ANTXR2: variants seen among roughly 807,000 people sequenced by gnomAD.
The protein encoded by ANTXR2 is ANTXR cell adhesion molecule 2, also known as anthrax toxin receptor 2.
Under a neutral mutation model 73.7 loss-of-function variants are expected in ANTXR2, and 44 were observed. That is an observed-to-expected ratio of 0.60 (90% CI 0.47 to 0.77). ANTXR2 has a LOEUF of 0.77. Among genes scored for constraint, ANTXR2 ranks in the 30% least tolerant of loss-of-function variants. ANTXR2 has a pLI of 0.00. For missense variants in ANTXR2, 604 were observed against 592.5 expected (o/e 1.02, Z -0.20); for synonymous variants, 217 against 205.9 (o/e 1.05, Z -0.46).
At chr4:79,992,935 T>A (rs1730540978) in intron 12 of ANTXR2, among the ~76,000 whole-genome samples, 1 of 152,072 alleles carries the variant, frequency 6.6e-6, no homozygotes, top group Admixed American at 6.6e-5. Flanking sequence ...TTCTTTGAAA[T>A]ATCCCCCACC....
intron 16 of ANTXR2, among the ~76,000 whole-genome samples, chr4:79,937,321 G>GT (rs1728305944): frequency 6.6e-6 from 1 of 152,002 alleles, no homozygotes. Context: ...TTGAGCAGAA[G>GT]AAAAAAAATT....
chr4:79,902,405 G>A lies in ANTXR2; in HGVS notation c.*5024C>T, dbSNP rs1726741281. ...CACAGGCATAGTAACTGTCAATTAA[G>A]ACTTTTTTTCCAATTTTGACTAAAA... is the stretch of plus-strand genomic sequence containing the variant. On this transcript the variant is annotated 3_prime_UTR_variant, in exon 17 of 17. Transcript: ENST00000403729. 1 of 152,034 alleles carries A rather than the reference G, an allele frequency of 6.6e-6. No homozygotes were observed. Among genetic ancestry groups the A allele is most frequent in the Non-Finnish European group, 1.5e-5 (1 of 67,994 alleles). The allele number at this position is 152,034 out of a possible 1,614,324, so 9.4% of individuals were successfully genotyped here. A position where few individuals can be genotyped will look rare whatever the true frequency, so the allele number is the denominator to read the frequency against.
At chr4:79,913,016 G>A (rs1727208950) in intron 16 of ANTXR2, among the ~76,000 whole-genome samples, 1 of 152,058 alleles carries the variant, frequency 6.6e-6, no homozygotes, top group African/African-American at 2.4e-5. Flanking sequence ...ATCTTAAAAG[G>A]TAACATTAGT....
chr4:79,989,636 G>T (rs1257077233), intron 12 of ANTXR2, among the ~76,000 whole-genome samples: 3 of 151,992 alleles, frequency 2.0e-5, no homozygotes, highest in African/African-American at 7.2e-5. Context: ...ATTCTATAAG[G>T]CTAGCATCAT....
rs1485493702 is a variant in ANTXR2, at chr4:79,901,398, A to AT, written c.*6030dup. Reference sequence around the variant, plus strand: ...TAACAATTTCCTTTCTCTATCATTTATTACTTTGGAAGCTTTTGGTTTCTT... The same window carrying AT: ...TAACAATTTCCTTTCTCTATCATTTATTTACTTTGGAAGCTTTTGGTTTCTT... On this transcript the variant is annotated 3_prime_UTR_variant, in exon 17 of 17. Transcript: ENST00000403729. 5 of 151,852 alleles carry AT rather than the reference A, an allele frequency of 3.3e-5. No individual in the cohort carries two copies. Among genetic ancestry groups the AT allele is most frequent in the African/African-American group, 4.8e-5 (2 of 41,334 alleles). 9.4% of individuals were successfully genotyped at this position (151,852 alleles called of 1,614,324 possible). A position where few individuals can be genotyped will look rare whatever the true frequency, so the allele number is the denominator to read the frequency against.
chr4:80,008,671 C>A, intron 11 of ANTXR2, 55 bp from the exon 12 acceptor site: 4 of 1,121,000 alleles, frequency 3.6e-6, no homozygotes, highest in East Asian at 2.7e-5. Flanking sequence ...TGGTCAAATT[C>A]CAAATGTATA....
chr4:80,033,595 A>G (rs771414407), intron 8 of ANTXR2, 25 bp from the exon 9 acceptor site: 2 of 1,504,724 alleles, frequency 1.3e-6, no homozygotes, highest in East Asian at 2.4e-5. Flanking sequence ...AAAAATAAAC[A>G]TTTAATCACT....
intron 10 of ANTXR2, among the ~76,000 whole-genome samples, chr4:80,021,766 A>T (rs920839442): frequency 6.7e-6 from 1 of 148,634 alleles, no homozygotes; most frequent in Non-Finnish European, 1.5e-5. Context: ...TGGCTGGTGT[A>T]AAAAAAAAAC....
At chr4:79,994,980 C>A (rs999626065) in intron 12 of ANTXR2, among the ~76,000 whole-genome samples, 3 of 151,948 alleles carry the variant, frequency 2.0e-5, no homozygotes, top group Non-Finnish European at 4.4e-5. Context: ...CTCCAGCCAG[C>A]CTGATGATCC....
chr4:80,033,095 G>A (rs983385768), intron 9 of ANTXR2, among the ~76,000 whole-genome samples: 6 of 151,864 alleles, frequency 4.0e-5, no homozygotes, highest in Non-Finnish European at 8.8e-5. Context: ...CCTGAGGAAA[G>A]AAGCAATTAA....
chr4:79,958,616 T>C (rs575008002), intron 16 of ANTXR2, among the ~76,000 whole-genome samples: 1 of 152,304 alleles, frequency 6.6e-6, no homozygotes, highest in African/African-American at 2.4e-5. Context: ...TGTTATCTGC[T>C]GCTTTTTGTA....
At position 79,984,955 on chromosome 4, in the gene ANTXR2, G is replaced by A. The variant is rs1479902456; in HGVS notation, c.1042-92C>T. On this transcript the variant is annotated intron_variant, in intron 12 of 16. Coordinates refer to ENST00000403729, the MANE Select transcript of ANTXR2 (RefSeq NM_058172.6). Reference sequence around the variant, plus strand: ...ATAATTTGATACATAAAATACTGTGGTAGCTCCAAAGAAGTCCCTCACTGA... The same window carrying A: ...ATAATTTGATACATAAAATACTGTGATAGCTCCAAAGAAGTCCCTCACTGA... 5 of 1,055,190 alleles carry A rather than the reference G, an allele frequency of 4.7e-6. No homozygotes were observed. The African/African-American group carries it at 8.1e-5, about 17-fold the overall frequency. The allele number at this position is 1,055,190 out of a possible 1,614,324, so 65.4% of individuals were successfully genotyped here. A position where few individuals can be genotyped will look rare whatever the true frequency, so the allele number is the denominator to read the frequency against.
In ANTXR2 at chr4:79,927,065, A is replaced by G. The variant is rs946815578; in HGVS notation, c.1429-19598T>C. Among the ~76,000 whole-genome samples, 33 of 149,610 alleles carry G rather than the reference A, an allele frequency of 2.2e-4. 1 individual carries two copies. The South Asian group carries it at 3.2e-3, about 14-fold the overall frequency. ...TATATATGTGCGTGTGTGTGTGTAT[A>G]TATATATATATATGAATATTATTCA... On this transcript the variant is annotated intron_variant, in intron 16 of 16. Transcript: ENST00000403729.
At chr4:80,032,437 A>G (rs1424078269) in intron 9 of ANTXR2, among the ~76,000 whole-genome samples, 1 of 151,884 alleles carries the variant, frequency 6.6e-6, no homozygotes, top group African/African-American at 2.4e-5. Context: ...TCAATTGTGG[A>G]ACCTACTATG....
chr4:80,029,956 ACT>A (rs1553934340), intron 10 of ANTXR2, among the ~76,000 whole-genome samples: 1 of 151,862 alleles, frequency 6.6e-6, no homozygotes, highest in African/African-American at 2.4e-5. Context: ...ATTAGACTTT[ACT>A]CTGAGTGGGG....
chr4:80,020,598 A>T (rs1732113017), intron 10 of ANTXR2, among the ~76,000 whole-genome samples: 1 of 152,198 alleles, frequency 6.6e-6, no homozygotes, highest in Admixed American at 6.5e-5. Flanking sequence ...GGAGGCCCAG[A>T]AATGTTAATT....
chr4:79,985,846 T>TTC (rs1459015078), intron 12 of ANTXR2, among the ~76,000 whole-genome samples: 3 of 149,586 alleles, frequency 2.0e-5, no homozygotes, highest in African/African-American at 7.4e-5. Context: ...TTCTTTTTTT[T>TTC]TTTTTTTTTT....
At chr4:79,923,017 G>A (rs1351817662) in intron 16 of ANTXR2, among the ~76,000 whole-genome samples, 2 of 151,994 alleles carry the variant, frequency 1.3e-5, no homozygotes, top group African/African-American at 4.8e-5. Context: ...TTCCTAGACT[G>A]TAAGCTCCAT....
At chr4:79,908,603 C>T (rs763156204) in intron 16 of ANTXR2, among the ~76,000 whole-genome samples, 5 of 152,120 alleles carry the variant, frequency 3.3e-5, no homozygotes, top group African/African-American at 4.8e-5. Context: ...AAACATTCAT[C>T]AAATTATCTG....
Sources: allele counts gnomAD v4.1 joint callset (sites outside exome capture counted in the v4.1 genomes callset), GRCh38; gene constraint gnomAD v4.1.1; transcripts MANE v1.5; gene names NCBI Gene and HGNC (gene_info 2026-07-23, HGNC 2026-07-21).